Variants in UBE2G2 observed in about 807,000 individuals in gnomAD.
UBE2G2 encodes the protein ubiquitin-conjugating enzyme E2 G2.
A neutral mutation model predicts 23.0 loss-of-function variants in UBE2G2; 10 were observed. The observed-to-expected ratio is 0.43, with a 90% CI of 0.27 to 0.74. UBE2G2 has a LOEUF of 0.74. UBE2G2 is among the 30% of genes least tolerant of loss of function. The pLI is 0.19. For synonymous variants in UBE2G2, 86 were observed against 81.3 expected, an observed-to-expected ratio of 1.06 and a Z score of -0.31; for missense variants, 150 against 218.3, an observed-to-expected ratio of 0.69 and a Z score of 1.97.
In UBE2G2 at chr21:44,769,827, A is replaced by T. The variant is rs1257882827; in HGVS notation, c.*1550T>A. On this transcript the variant is annotated 3_prime_UTR_variant, in exon 6 of 6. Coordinates refer to ENST00000345496, the MANE Select transcript of UBE2G2 (RefSeq NM_003343.6). ...CCACGATCCATTATGGAAGGGAGGG[A>T]GAAAAGGATCACATCAAATCTACTG... The T allele has an allele frequency of 6.6e-6, 1 of 152,224 alleles. No individual in the cohort carries two copies. Among genetic ancestry groups the T allele is most frequent in the Admixed American group, 6.5e-5 (1 of 15,284 alleles). The allele number at this position is 152,224 out of a possible 1,614,324, so 9.4% of individuals were successfully genotyped here. A position where few individuals can be genotyped will look rare whatever the true frequency, so the allele number is the denominator to read the frequency against.
intron 1 of UBE2G2, among the ~76,000 whole-genome samples, chr21:44,797,252 C>T (rs1414578017): frequency 1.3e-4 from 20 of 152,140 alleles, no homozygotes; most frequent in Admixed American, 1.2e-3. Context: ...AACTAATTGA[C>T]AATATAATTG....
At chr21:44,788,245 AGTACAATAACG>A (rs2083012730) in intron 1 of UBE2G2, 150 bp from the exon 2 acceptor site, 1 of 674,192 alleles carries the variant, frequency 1.5e-6, no homozygotes, top group East Asian at 2.8e-5. Flanking sequence ...GTGAATACCT[AGTACAATAACG>A]GTTCTGATAA....
At chr21:44,790,221 C>CA (rs2146399907) in intron 1 of UBE2G2, among the ~76,000 whole-genome samples, 1 of 152,266 alleles carries the variant, frequency 6.6e-6, no homozygotes, top group African/African-American at 2.4e-5. Context: ...GCAAGTTTAG[C>CA]AAGTAGATCT....
intron 1 of UBE2G2, among the ~76,000 whole-genome samples, chr21:44,798,384 A>C (rs1555964208): frequency 6.6e-6 from 1 of 152,060 alleles, no homozygotes; most frequent in Non-Finnish European, 1.5e-5. Context: ...ACAGGGACTG[A>C]CTCTTACTTT....
At chr21:44,791,034 G>A (rs2083038933) in intron 1 of UBE2G2, among the ~76,000 whole-genome samples, 4 of 152,154 alleles carry the variant, frequency 2.6e-5, no homozygotes, top group East Asian at 1.9e-4. Context: ...CTTGGGAACT[G>A]GAGCAATGGT....
chr21:44,788,395 T>C (rs1224233086), intron 1 of UBE2G2, among the ~76,000 whole-genome samples: 1 of 149,546 alleles, frequency 6.7e-6, no homozygotes, highest in African/African-American at 2.5e-5. Context: ...GTTCATGCCA[T>C]TCACCTGCCT....
chr21:44,793,994 A>G (rs1377486606), intron 1 of UBE2G2, among the ~76,000 whole-genome samples: 1 of 152,100 alleles, frequency 6.6e-6, no homozygotes, highest in Non-Finnish European at 1.5e-5. Context: ...ACTTCAGGAC[A>G]TATTACATGA....
intron 5 of UBE2G2, among the ~76,000 whole-genome samples, chr21:44,773,177 T>C (rs2082887194): frequency 6.6e-6 from 1 of 152,120 alleles, no homozygotes; most frequent in African/African-American, 2.4e-5. Context: ...CTCTAACTGC[T>C]GGTAGGCTTG....
Position 44,773,542 on chromosome 21 carries a change from CT to C in UBE2G2, c.385+4del. On this transcript the variant is annotated splice_donor_region_variant and intron_variant, in intron 5 of 5. Transcript: ENST00000345496. The stretch of plus-strand genomic sequence containing the variant: ...GCAGCTCCTGCCAGGAGGCTCGGGC[CT>C]TACCTGCCAGCATGCTCACCACCGA... 6.2e-7 allele frequency: 1 copy of C among 1,607,024 alleles called. No individual in the cohort carries two copies.
At chr21:44,789,906 T>C (rs1158211484) in intron 1 of UBE2G2, among the ~76,000 whole-genome samples, 5 of 152,032 alleles carry the variant, frequency 3.3e-5, no homozygotes, top group African/African-American at 9.7e-5. Flanking sequence ...CCTCTGGCCA[T>C]GTAAGGGCAC....
Position 44,773,494 on chromosome 21 carries a change from C to A in UBE2G2, c.385+53G>T, listed in dbSNP as rs571812702. On this transcript the variant is annotated intron_variant, in intron 5 of 5. Transcript: ENST00000345496. ...GACAGGATGACGCAAGGCTGGAGAA[C>A]ACCTGCAGCCTGGGTGTCCACGGCA... The A allele has an allele frequency of 4.5e-6, 7 of 1,568,510 alleles. No homozygotes were observed. In the African/African-American group the frequency reaches 5.4e-5, roughly 12 times the overall value.
intron 4 of UBE2G2, chr21:44,774,776 C>T (rs1555960375): frequency 2.2e-6 from 1 of 455,212 alleles, no homozygotes; most frequent in East Asian, 7.0e-5. Flanking sequence ...GGAAGTTTCC[C>T]ACTTCTGTGT....
chr21:44,789,428 A>G (rs918441510), intron 1 of UBE2G2, among the ~76,000 whole-genome samples: 15 of 151,018 alleles, frequency 9.9e-5, no homozygotes, highest in African/African-American at 3.7e-4. Flanking sequence ...AGCTTCATCT[A>G]TGAGTTACCA....
At chr21:44,796,518 C>A (rs782460793) in intron 1 of UBE2G2, among the ~76,000 whole-genome samples, 21 of 151,360 alleles carry the variant, frequency 1.4e-4, no homozygotes, top group Admixed American at 5.9e-4. Context: ...GATACACACA[C>A]AAAAAAAACC....
At chr21:44,799,272 C>A (rs1222621072) in intron 1 of UBE2G2, among the ~76,000 whole-genome samples, 2 of 152,194 alleles carry the variant, frequency 1.3e-5, no homozygotes, top group African/African-American at 4.8e-5. Context: ...AAGTGACCGA[C>A]ATTAGCCCCT....
rs2083138959 is a variant in UBE2G2 at position 44,801,622 on chromosome 21, C to A, written c.43+84G>T. 6.2e-6 allele frequency: 9 copies of A among 1,440,870 alleles called. No homozygotes were observed. The East Asian group carries it at 1.2e-4, about 19-fold the overall frequency. The allele number at this position is 1,440,870 out of a possible 1,614,324, so 89.3% of individuals were successfully genotyped here. A position where few individuals can be genotyped will look rare whatever the true frequency, so the allele number is the denominator to read the frequency against. ...CCCCGGGCCCGGCTCCCCCGCCAGG[C>A]TCCCTGCCCCAGCCCCGCCGGACGA... On this transcript the variant is annotated intron_variant, in intron 1 of 5. Coordinates refer to ENST00000345496, the MANE Select transcript of UBE2G2 (RefSeq NM_003343.6).
In UBE2G2 at chr21:44,789,667, A is replaced by G. The variant is rs111294962; in HGVS notation, c.44-1572T>C. On this transcript the variant is annotated intron_variant, in intron 1 of 5. Coordinates refer to ENST00000345496, the MANE Select transcript of UBE2G2 (RefSeq NM_003343.6). ...CTTTCCCCATCTCACACCACATATA[A>G]AAATCAAAATAGGTAAGAAGAAAAA... Among the ~76,000 whole-genome samples the G allele has an allele frequency of 5.4e-3, 817 of 152,260 alleles. 10 individuals carry two copies. The highest frequency in any genetic ancestry group is 0.018 in the African/African-American group (763 of 41,542).
At chr21:44,793,204 G>A (rs990069979) in intron 1 of UBE2G2, among the ~76,000 whole-genome samples, 11 of 152,214 alleles carry the variant, frequency 7.2e-5, no homozygotes, top group Non-Finnish European at 1.3e-4. Flanking sequence ...GGTGGGGTGC[G>A]GGAGAAACAC....
chr21:44,798,034 T>C (rs1555964151), intron 1 of UBE2G2, among the ~76,000 whole-genome samples: 1 of 151,958 alleles, frequency 6.6e-6, no homozygotes, highest in Non-Finnish European at 1.5e-5. Flanking sequence ...GGCACATGCC[T>C]GTAGTCTCAG....
Sources: gnomAD v4.1 joint callset for allele counts (sites outside exome capture counted in the v4.1 genomes callset) on GRCh38, gnomAD v4.1.1 for gene constraint, MANE v1.5 for transcripts, NCBI Gene and HGNC (gene_info 2026-07-23, HGNC 2026-07-21) for gene names.